The following NHSL1 variants were observed in gnomAD, a reference collection of about 807,000 sequenced individuals.
The protein encoded by NHSL1 is NHS-like protein 1.
In NHSL1, 48 loss-of-function variants were observed where a neutral mutation model predicts 95.0. The observed-to-expected ratio is 0.51, with a 90% CI of 0.40 to 0.64. The LOEUF is 0.64. Ranked by LOEUF, NHSL1 falls within the 30% of genes least tolerant of loss-of-function variation. The pLI is 0.00. For synonymous variants in NHSL1, 783 were observed against 833.9 expected (o/e 0.94, Z 1.05); for missense variants, 1,971 against 2,077.7 (o/e 0.95, Z 1.00).
intron 1 of NHSL1, among the ~76,000 whole-genome samples, chr6:138,632,741 T>C (rs983087537): frequency 2.6e-5 from 4 of 152,078 alleles, no homozygotes; most frequent in Admixed American, 6.6e-5. Flanking sequence ...CCAAGAAGCA[T>C]TGGTACATCA....
chr6:138,485,391 T>C (rs1470616299), intron 2 of NHSL1, among the ~76,000 whole-genome samples: 2 of 148,950 alleles, frequency 1.3e-5, no homozygotes, highest in African/African-American at 2.5e-5. Context: ...TGTTAAGACC[T>C]GGATCATTTA....
Position 138,431,093 on chromosome 6 carries a change from GTTCT to G in NHSL1, c.3248_3251del (p.Lys1083ThrfsTer27). The G allele has an allele frequency of 6.4e-7, 1 of 1,551,920 alleles. No homozygotes were observed. Among genetic ancestry groups the G allele is most frequent in the Non-Finnish European group, 8.7e-7 (1 of 1,147,050 alleles). On this transcript the variant is annotated frameshift_variant, in exon 6 of 8. Transcript: ENST00000343505. LOFTEE classifies it high-confidence loss of function. This position sits in a 1 kb window ranked among gnomAD's most constrained non-coding sequence, Gnocchi z 4.0. ...ACAACTGTGCCGCCTCAGCGCCTGA[GTTCT>G]TTCTCACGGGCCTCAACTGCACCAT...
At chr6:138,574,148 G>A (rs1021478441), upstream of NHSL1, among the ~76,000 whole-genome samples, 2 of 152,206 alleles carry the variant, frequency 1.3e-5, no homozygotes. Flanking sequence ...AGCCAGGATG[G>A]TCTCGATCCC....
intron 4 of NHSL1, among the ~76,000 whole-genome samples, chr6:138,443,981 C>A (rs562723337): frequency 2.5e-4 from 38 of 152,270 alleles, no homozygotes; most frequent in African/African-American, 8.7e-4. Flanking sequence ...GCACCAAATG[C>A]TTGATCTTGC....
Position 138,691,895 on chromosome 6 carries a change from G to A in NHSL1, c.96+581C>T, listed in dbSNP as rs754060657. The stretch of plus-strand genomic sequence containing the variant: ...AAAGAGCTGGTGGGTCAGTCTGGGA[G>A]AAGAAAGAAAATTCTGCGCCAAATG... On this transcript the variant is annotated intron_variant, in intron 1 of 3. Transcript: ENST00000491526. The A allele has an allele frequency of 8.8e-6, 4 of 456,688 alleles. 1 individual carries two copies. The highest frequency in any genetic ancestry group is 6.2e-5 in the South Asian group (4 of 64,560). The allele number at this position is 456,688 out of a possible 1,614,324, so 28.3% of individuals were successfully genotyped here.
intron 1 of NHSL1, among the ~76,000 whole-genome samples, chr6:138,556,948 A>T (rs373185679): frequency 6.6e-6 from 1 of 152,202 alleles, no homozygotes; most frequent in South Asian, 2.1e-4. Flanking sequence ...CAGATGGAGA[A>T]AAGAGAGTGA....
intron 5 of NHSL1, among the ~76,000 whole-genome samples, chr6:138,438,115 T>TTA (rs752909731): frequency 6.6e-6 from 1 of 152,334 alleles, no homozygotes; most frequent in Non-Finnish European, 1.5e-5. Flanking sequence ...ATAAACAGTA[T>TTA]TACGTGCTAC....
intron 3 of NHSL1, among the ~76,000 whole-genome samples, chr6:138,457,565 A>G (rs1199181538): frequency 2.6e-5 from 4 of 152,230 alleles, no homozygotes; most frequent in African/African-American, 9.6e-5. Flanking sequence ...TTGAATGCAA[A>G]TTAGATGATT....
rs977062504 is a variant in NHSL1 at position 138,430,790 on chromosome 6, G to C, written c.3555C>G (p.Asp1185Glu). ...RPSPSTTPLP[D>E]SSPSRKPPPI... ...GGGGTGGCTTCCTGCTGGGTGAAGA[G>C]TCTGGGAGTGGGGTGGTGCTGGGGC... The change falls in exon 6 of 8, where the codon GAC (aspartate) becomes GAG (glutamate). Residue 1185 changes from aspartate (D) to glutamate (E), a missense_variant. Physicochemically the swap from Asp to Glu is conservative, Grantham distance 45 (BLOSUM62 2). This residue lies in a region of NHSL1 where 1,602 missense variants were observed against 1,654.5 expected (regional missense o/e 0.97). Transcript: ENST00000343505. This position sits in a 1 kb window ranked among gnomAD's most constrained non-coding sequence, Gnocchi z 4.7. 2 of 1,551,502 alleles carry C rather than the reference G, an allele frequency of 1.3e-6. No homozygotes were observed. The highest frequency in any genetic ancestry group is 1.7e-6 in the Non-Finnish European group (2 of 1,146,992).
intron 2 of NHSL1, among the ~76,000 whole-genome samples, chr6:138,480,526 T>G (rs529275950): frequency 9.9e-5 from 15 of 152,214 alleles, no homozygotes; most frequent in Non-Finnish European, 1.9e-4. Flanking sequence ...TCATGGGTAG[T>G]GTTGACGTGT....
chr6:138,621,078 G>T (rs1349488407), intron 1 of NHSL1, among the ~76,000 whole-genome samples: 1 of 152,178 alleles, frequency 6.6e-6, no homozygotes, highest in Non-Finnish European at 1.5e-5. Flanking sequence ...GCACCACCAT[G>T]CTTGCTTGGC....
Position 138,430,868 on chromosome 6 carries a change from AG to A in NHSL1, c.3476del (p.Pro1159LeufsTer2). On this transcript the variant is annotated frameshift_variant, in exon 6 of 8. Coordinates refer to ENST00000343505, the MANE Select transcript of NHSL1 (RefSeq NM_001144060.2). LOFTEE classifies it high-confidence loss of function. This position sits in a 1 kb window ranked among gnomAD's most constrained non-coding sequence, Gnocchi z 4.7. ...DHGSAAERGG[P>X]VSRSPGAPSA... Reference sequence around the variant, plus strand: ...TTGGAGCTCCAGGGCTGCGGCTCACAGGGCCACCACGCTCAGCCGCACTGCC... The same window carrying A: ...TTGGAGCTCCAGGGCTGCGGCTCACAGGCCACCACGCTCAGCCGCACTGCC... 2 of 1,551,130 alleles carry A rather than the reference AG, an allele frequency of 1.3e-6. No homozygotes were observed. The highest frequency in any genetic ancestry group is 1.7e-6 in the Non-Finnish European group (2 of 1,146,816).
At chr6:138,455,459 TG>T (rs879739173) in intron 3 of NHSL1, among the ~76,000 whole-genome samples, 27,007 of 71,190 alleles carry the variant, frequency 0.38, 2,934 homozygotes, top group Non-Finnish European at 0.48. Context: ...AGAAATGAGC[TG>T]CAAGGAGCCC....
In NHSL1 at chr6:138,433,329, G is replaced by A. The variant is rs917864489; in HGVS notation, c.1016C>T (p.Pro339Leu). 4 of 1,551,800 alleles carry A rather than the reference G, an allele frequency of 2.6e-6. No homozygotes were observed. The highest frequency in any genetic ancestry group is 1.4e-5 in the African/African-American group (1 of 72,992). ...GARANIQSLE[P>L]RLGALGPAGD... is the part of the protein sequence containing the mutation. ...TGCAGGGCCGAGGGCACCCAGCCTC[G>A]GCTCAAGGGACTGAATGTTTGCCCT... is the stretch of plus-strand genomic sequence containing the variant. Residue 339 changes from proline (P) to leucine (L), a missense_variant, in exon 6 of 8, where the codon CCG becomes CTG. This residue lies in a region of NHSL1 where 1,602 missense variants were observed against 1,654.5 expected (regional missense o/e 0.97). Coordinates refer to ENST00000343505, the MANE Select transcript of NHSL1 (RefSeq NM_001144060.2).
chr6:138,620,731 T>C (rs377324150), intron 1 of NHSL1, among the ~76,000 whole-genome samples: 1 of 152,250 alleles, frequency 6.6e-6, no homozygotes, highest in Admixed American at 6.5e-5. Context: ...TTAAAAAAAA[T>C]ATAATAATAC....
At chr6:138,668,616 A>T (rs1157746790) in intron 1 of NHSL1, among the ~76,000 whole-genome samples, 1 of 149,404 alleles carries the variant, frequency 6.7e-6, no homozygotes, top group South Asian at 2.1e-4. Context: ...AAAACAAGAA[A>T]TTTTTTTTTC....
upstream of NHSL1, among the ~76,000 whole-genome samples, chr6:138,501,897 C>T (rs58908379): frequency 0.046 from 6,971 of 152,214 alleles, 314 homozygotes; most frequent in African/African-American, 0.12. Context: ...GTAAATGCTA[C>T]GTAAGTAGTT....
Position 138,558,211 on chromosome 6 carries a change from C to T in NHSL1, c.202+13499G>A, listed in dbSNP as rs2128338011. On this transcript the variant is annotated intron_variant, in intron 1 of 6. Transcript: ENST00000427025. ...GGACTCGGCTGACTGCAACCTCCGC[C>T]TCCTGGATTCAAGCAATTCTCCTGC... Among the ~76,000 whole-genome samples, 4 of 152,106 alleles carry T rather than the reference C, an allele frequency of 2.6e-5. No individual in the cohort carries two copies. In the Middle Eastern group the frequency reaches 0.014, roughly 517 times the overall value.
Position 138,544,524 on chromosome 6 carries a change from A to T in NHSL1, c.16+1099T>A, listed in dbSNP as rs551612355. Among the ~76,000 whole-genome samples, 4 of 152,308 alleles carry T rather than the reference A, an allele frequency of 2.6e-5. No individual in the cohort carries two copies. In the South Asian group the frequency reaches 8.3e-4, roughly 32 times the overall value. ...ATATTAAAGACTGGTAGGTTTTAAG[A>T]TGTCAAAATAAGGTTAAAATTGCAA... On this transcript the variant is annotated intron_variant, in intron 1 of 4. Transcript: ENST00000342260.
Sources: allele counts gnomAD v4.1 joint callset (sites outside exome capture counted in the v4.1 genomes callset), GRCh38; gene constraint gnomAD v4.1.1; regional missense constraint gnomAD v4.1.1; non-coding constraint Gnocchi (gnomAD v3.1); transcripts MANE v1.5; gene names NCBI Gene and HGNC (gene_info 2026-07-23, HGNC 2026-07-21).